The following CDH18 variants were observed in gnomAD, a reference collection of about 807,000 sequenced individuals.
CDH18 encodes the protein cadherin-18.
CDH18 carries 31 observed loss-of-function variants against 67.9 expected under a neutral mutation model. That is an observed-to-expected ratio of 0.46 (90% CI 0.34 to 0.62). The LOEUF (loss-of-function observed/expected upper bound fraction) is 0.62, where lower values mean the gene tolerates loss of function less well. CDH18 is among the 20% of genes least tolerant of loss of function. The probability of loss-of-function intolerance (pLI) is 0.01; values close to 1 mark genes in which losing one functional copy is unlikely to be tolerated. For synonymous variants in CDH18, 362 were observed against 347.2 expected, an observed-to-expected ratio of 1.04 and a Z score of -0.48; for missense variants, 890 against 975.5, an observed-to-expected ratio of 0.91 and a Z score of 1.17.
rs541166556 is a variant in CDH18 at position 19,701,057 on chromosome 5, TA to T, written c.643+20289del. Among the ~76,000 whole-genome samples, 18 of 151,450 alleles carry T rather than the reference TA, an allele frequency of 1.2e-4. No individual in the cohort carries two copies. In the South Asian group the frequency reaches 2.1e-3, roughly 17 times the overall value. ...TGGTCAGTAAAATTATTGTAAATGA[TA>T]AAAAAAAATTAACTAAGGATACAGA... On this transcript the variant is annotated intron_variant, in intron 5 of 12. Coordinates refer to ENST00000382275, the MANE Select transcript of CDH18 (RefSeq NM_004934.5).
chr5:19,676,963 T>TG (rs1759577799), intron 5 of CDH18, among the ~76,000 whole-genome samples: 1 of 152,212 alleles, frequency 6.6e-6, no homozygotes, highest in South Asian at 2.1e-4. Context: ...AAACTTCCCT[T>TG]GGTCTCTTTT....
At chr5:20,191,432 C>A (rs1738530142) in intron 2 of CDH18, among the ~76,000 whole-genome samples, 1 of 151,958 alleles carries the variant, frequency 6.6e-6, no homozygotes, top group Admixed American at 6.6e-5. Flanking sequence ...ATGTGCAGAA[C>A]ATGAATTTTT....
At chr5:19,996,095 T>TCAG (rs1735997279) in intron 2 of CDH18, among the ~76,000 whole-genome samples, 1 of 152,208 alleles carries the variant, frequency 6.6e-6, no homozygotes, top group African/African-American at 2.4e-5. Flanking sequence ...GAACTTAAGG[T>TCAG]TGACCAAATC....
At chr5:20,547,837 T>G (rs1757425454) in intron 1 of CDH18, among the ~76,000 whole-genome samples, 1 of 152,114 alleles carries the variant, frequency 6.6e-6, no homozygotes, top group South Asian at 2.1e-4. Flanking sequence ...CTTAGTTGAT[T>G]AACATTTTTT....
At chr5:20,526,176 A>G (rs553840676) in intron 1 of CDH18, among the ~76,000 whole-genome samples, 1 of 152,096 alleles carries the variant, frequency 6.6e-6, no homozygotes, top group Admixed American at 6.6e-5. Flanking sequence ...TTTAGGTGAA[A>G]CCTGGATCCA....
intron 1 of CDH18, among the ~76,000 whole-genome samples, chr5:20,444,614 T>C (rs1010709726): frequency 7.9e-5 from 12 of 152,182 alleles, no homozygotes; most frequent in African/African-American, 2.9e-4. Context: ...AAATAAACTG[T>C]GAGATTCAAA....
At chr5:20,162,332 A>G (rs10058831) in intron 2 of CDH18, among the ~76,000 whole-genome samples, 86,305 of 150,446 alleles carry the variant, frequency 0.57, 24,808 homozygotes, top group Middle Eastern at 0.68. Flanking sequence ...TACTTTTAGT[A>G]CTTTGCAGCA....
intron 1 of CDH18, among the ~76,000 whole-genome samples, chr5:20,454,092 C>A (rs1191859572): frequency 1.3e-5 from 2 of 152,012 alleles, no homozygotes; most frequent in East Asian, 3.9e-4. Flanking sequence ...AATGAGTTGG[C>A]CATCTTCTAA....
intron 2 of CDH18, among the ~76,000 whole-genome samples, chr5:20,196,299 A>G (rs980053403): frequency 3.7e-4 from 57 of 152,156 alleles, no homozygotes; most frequent in African/African-American, 1.3e-3. Flanking sequence ...AAATATATAT[A>G]CTTTTAAAAC....
intron 2 of CDH18, among the ~76,000 whole-genome samples, chr5:19,888,516 T>C (rs1176657499): frequency 6.6e-6 from 1 of 151,996 alleles, no homozygotes; most frequent in Non-Finnish European, 1.5e-5. Context: ...TAAATGTATA[T>C]AAATTTATAT....
chr5:19,968,191 A>G lies in CDH18; in HGVS notation c.-257+12869T>C, dbSNP rs190734436. ...AAACCACTGCTCAATGAAATAAAAGAGGACACAAACAAATGGAAAAACATT... is the reference window on the plus strand; with the variant it reads ...AAACCACTGCTCAATGAAATAAAAGGGGACACAAACAAATGGAAAAACATT... On this transcript the variant is annotated intron_variant, in intron 2 of 12. Coordinates refer to ENST00000382275, the MANE Select transcript of CDH18 (RefSeq NM_004934.5). 2.1e-4 allele frequency among the ~76,000 whole-genome samples: 32 copies of G among 152,296 alleles called. No homozygotes were observed. In the East Asian group the frequency reaches 6.0e-3, roughly 29 times the overall value.
At chr5:20,129,266 T>A (rs1749072507) in intron 2 of CDH18, among the ~76,000 whole-genome samples, 1 of 151,954 alleles carries the variant, frequency 6.6e-6, no homozygotes, top group South Asian at 2.1e-4. Context: ...AAAATATATC[T>A]ATATCTTTAT....
At chr5:20,133,622 C>T (rs907483716) in intron 2 of CDH18, among the ~76,000 whole-genome samples, 2 of 152,074 alleles carry the variant, frequency 1.3e-5, no homozygotes, top group African/African-American at 2.4e-5. Context: ...TTGATGATTA[C>T]GCGGTGTCTG....
At chr5:19,631,643 A>T (rs1038201050) in intron 5 of CDH18, among the ~76,000 whole-genome samples, 2 of 147,484 alleles carry the variant, frequency 1.4e-5, no homozygotes, top group Admixed American at 1.4e-4. Context: ...TTAATTTATA[A>T]AAATTAAAGA....
intron 2 of CDH18, among the ~76,000 whole-genome samples, chr5:20,072,640 C>T (rs1047643444): frequency 5.3e-5 from 8 of 151,758 alleles, no homozygotes; most frequent in African/African-American, 1.2e-4. Context: ...GTGGAGTGCA[C>T]GTGCAATGAA....
intron 1 of CDH18, among the ~76,000 whole-genome samples, chr5:20,417,152 T>C (rs1245570736): frequency 1.3e-5 from 2 of 152,164 alleles, no homozygotes; most frequent in Non-Finnish European, 2.9e-5. Flanking sequence ...ATCATTTTTG[T>C]TAGATATTTT....
chr5:20,552,901 T>C (rs1198840259), intron 1 of CDH18, among the ~76,000 whole-genome samples: 1 of 151,986 alleles, frequency 6.6e-6, no homozygotes, highest in Admixed American at 6.6e-5. Flanking sequence ...ACTACAGGCG[T>C]GCTCCATCAT....
At chr5:19,891,818 A>G (rs1025647643) in intron 2 of CDH18, among the ~76,000 whole-genome samples, 5 of 152,188 alleles carry the variant, frequency 3.3e-5, no homozygotes, top group Non-Finnish European at 7.3e-5. Context: ...ACTGACTCAC[A>G]CATTTACTAA....
chr5:20,172,206 A>ATG lies in CDH18; in HGVS notation c.-518+83237_-518+83238insCA, dbSNP rs1561848355. ...GCATTGTGTGTATATATATATATAT[A>ATG]TATATATATATATATATGTATATAT... On this transcript the variant is annotated intron_variant, in intron 2 of 14. Transcript: ENST00000507958. Among the ~76,000 whole-genome samples the ATG allele has an allele frequency of 5.3e-4, 34 of 63,912 alleles. 1 individual carries two copies. The highest frequency in any genetic ancestry group is 2.0e-3 in the East Asian group (4 of 1,960). 41.9% of individuals were successfully genotyped at this position (63,912 alleles called of 152,430 possible).
Sources: gnomAD v4.1 joint callset for allele counts (sites outside exome capture counted in the v4.1 genomes callset) on GRCh38, gnomAD v4.1.1 for gene constraint, MANE v1.5 for transcripts, NCBI Gene and HGNC (gene_info 2026-07-23, HGNC 2026-07-21) for gene names.